Variants in KALRN observed in about 807,000 individuals in gnomAD.
KALRN encodes the protein kalirin.
In KALRN, 70 loss-of-function variants were observed where a neutral mutation model predicts 353.7. The ratio of observed to expected loss-of-function variants is 0.20; its 90% CI spans 0.16 to 0.24. The LOEUF (loss-of-function observed/expected upper bound fraction) is 0.24. Among genes scored for constraint, KALRN ranks in the 10% least tolerant of loss-of-function variants. The probability of loss-of-function intolerance (pLI) is 1.00; values close to 1 mark genes in which losing one functional copy is unlikely to be tolerated. For synonymous variants in KALRN, 1,391 were observed against 1,434.8 expected, an observed-to-expected ratio of 0.97 and a Z score of 0.69; for missense variants, 2,791 against 3,756.7, an observed-to-expected ratio of 0.74 and a Z score of 6.72.
intron 1 of KALRN, among the ~76,000 whole-genome samples, chr3:124,048,907 A>T (rs1364336727): frequency 6.6e-6 from 1 of 152,204 alleles, no homozygotes; most frequent in African/African-American, 2.4e-5. Context: ...GTTCTGGGAC[A>T]TTATTTGGTC....
chr3:124,168,844 A>T (rs1029091907), intron 1 of KALRN, among the ~76,000 whole-genome samples: 1 of 152,346 alleles, frequency 6.6e-6, no homozygotes, highest in African/African-American at 2.4e-5. Context: ...AGGCATCTCC[A>T]TGTGTCTTCA....
chr3:124,385,536 A>G (rs1416478770), intron 11 of KALRN, among the ~76,000 whole-genome samples: 1 of 152,042 alleles, frequency 6.6e-6, no homozygotes, highest in African/African-American at 2.4e-5. Flanking sequence ...TAATCTTCTT[A>G]ATGAGGTCTG....
intron 33 of KALRN, among the ~76,000 whole-genome samples, chr3:124,559,598 A>G (rs954505850): frequency 2.0e-5 from 3 of 152,220 alleles, no homozygotes; most frequent in Non-Finnish European, 4.4e-5. Flanking sequence ...AATCAAAAAC[A>G]TAACCTGAAT....
chr3:124,117,282 C>G (rs1419786295), intron 1 of KALRN, among the ~76,000 whole-genome samples: 4 of 149,672 alleles, frequency 2.7e-5, no homozygotes, highest in Non-Finnish European at 5.9e-5. Flanking sequence ...AGCTAGGGGT[C>G]TATACTAGGA....
intron 1 of KALRN, among the ~76,000 whole-genome samples, chr3:124,190,962 A>T (rs1260719918): frequency 6.6e-6 from 1 of 152,204 alleles, no homozygotes; most frequent in Non-Finnish European, 1.5e-5. Context: ...GCTTCTGGCC[A>T]ACCAGCTAAA....
At chr3:124,459,665 G>C (rs2059664104) in intron 23 of KALRN, among the ~76,000 whole-genome samples, 1 of 152,018 alleles carries the variant, frequency 6.6e-6, no homozygotes, top group Admixed American at 6.5e-5. Flanking sequence ...CTTTATGCTG[G>C]AGTTACAAAG....
intron 34 of KALRN, among the ~76,000 whole-genome samples, chr3:124,590,836 A>C (rs530210478): frequency 6.6e-6 from 1 of 152,176 alleles, no homozygotes; most frequent in South Asian, 2.1e-4. Context: ...CAGAAGGAAC[A>C]CCAGGAATCA....
chr3:124,487,410 G>A (rs2062684773), intron 28 of KALRN, among the ~76,000 whole-genome samples: 1 of 152,208 alleles, frequency 6.6e-6, no homozygotes, highest in Non-Finnish European at 1.5e-5. Context: ...ATTGCCCCTG[G>A]AAGCCTCAAT....
At chr3:124,696,004 C>G in intron 53 of KALRN, 130 bp from the exon 54 acceptor site, 1 of 860,544 alleles carries the variant, frequency 1.2e-6, no homozygotes, top group Non-Finnish European at 1.8e-6. Flanking sequence ...AGGTAGCTCA[C>G]AGACCAGGGA....
At chr3:124,414,619 C>T (rs138098959) in intron 14 of KALRN, among the ~76,000 whole-genome samples, 9 of 152,276 alleles carry the variant, frequency 5.9e-5, no homozygotes, top group African/African-American at 2.2e-4. Flanking sequence ...TTCCCACTCC[C>T]CAAGTCATCC....
chr3:124,615,591 T>G (rs985855070), intron 34 of KALRN, among the ~76,000 whole-genome samples: 3 of 152,012 alleles, frequency 2.0e-5, no homozygotes, highest in Non-Finnish European at 4.4e-5. Context: ...GAGTAAAGAG[T>G]ATATAGGAAT....
chr3:124,159,089 C>T lies in KALRN; in HGVS notation c.74-68901C>T, dbSNP rs555070033. ...CCACCATCTAGTCAGATGGGGTCTT[C>T]TCATAGTCCCCTAAAAATTCCAGGC... is the stretch of plus-strand genomic sequence containing the variant. On this transcript the variant is annotated intron_variant, in intron 1 of 59. Transcript: ENST00000682506. 3.8e-3 allele frequency among the ~76,000 whole-genome samples: 577 copies of T among 152,296 alleles called. 2 individuals carry two copies. Among genetic ancestry groups the T allele is most frequent in the African/African-American group, 0.013 (546 of 41,554 alleles).
At chr3:124,575,914 T>TA (rs2074041748) in intron 34 of KALRN, among the ~76,000 whole-genome samples, 1 of 152,126 alleles carries the variant, frequency 6.6e-6, no homozygotes, top group Non-Finnish European at 1.5e-5. Flanking sequence ...AGGTAACATA[T>TA]TTATAGGTTC....
chr3:124,079,248 A>G (rs1045866201), intron 1 of KALRN, among the ~76,000 whole-genome samples: 3 of 152,174 alleles, frequency 2.0e-5, no homozygotes, highest in African/African-American at 7.2e-5. Flanking sequence ...CAAGTCAGGA[A>G]ACTTGATACC....
chr3:124,563,463 G>A (rs7624255), intron 34 of KALRN, among the ~76,000 whole-genome samples: 2 of 151,876 alleles, frequency 1.3e-5, no homozygotes, highest in African/African-American at 2.4e-5. Context: ...ACCCACTCCC[G>A]CTCCACAGCA....
At chr3:124,335,504 A>G (rs1346391707) in intron 9 of KALRN, among the ~76,000 whole-genome samples, 2 of 152,066 alleles carry the variant, frequency 1.3e-5, no homozygotes, top group Admixed American at 6.5e-5. Flanking sequence ...TTCTCCTTGT[A>G]CTTTCTCTGT....
At chr3:124,300,471 A>T (rs2077176928) in intron 6 of KALRN, among the ~76,000 whole-genome samples, 1 of 152,214 alleles carries the variant, frequency 6.6e-6, no homozygotes, top group East Asian at 1.9e-4. Context: ...GCCAGCTCAG[A>T]TGCTGCCAGT....
chr3:124,702,422 A>G (rs886313665), intron 57 of KALRN, among the ~76,000 whole-genome samples: 1 of 152,146 alleles, frequency 6.6e-6, no homozygotes, highest in Non-Finnish European at 1.5e-5. Context: ...TTTTCCTTAT[A>G]AGTTATATGT....
intron 10 of KALRN, among the ~76,000 whole-genome samples, chr3:124,383,342 T>C (rs551717820): frequency 1.1e-4 from 17 of 152,342 alleles, no homozygotes; most frequent in Non-Finnish European, 2.4e-4. Context: ...GACTGTGACT[T>C]AGATAACAAC....
Sources: allele counts gnomAD v4.1 joint callset (sites outside exome capture counted in the v4.1 genomes callset), GRCh38; gene constraint gnomAD v4.1.1; transcripts MANE v1.5; gene names NCBI Gene and HGNC (gene_info 2026-07-23, HGNC 2026-07-21).